Variants in ASB8 observed in about 807,000 individuals in gnomAD.
The protein encoded by ASB8 is ankyrin repeat and SOCS box containing 8, also known as ankyrin repeat and SOCS box protein 8.
A neutral mutation model predicts 22.9 loss-of-function variants in ASB8; 15 were observed. That is an observed-to-expected ratio of 0.66 (90% CI 0.44 to 1.01). The LOEUF (loss-of-function observed/expected upper bound fraction) is 1.01, where lower values mean the gene tolerates loss of function less well. ASB8 is among the 50% of genes least tolerant of loss of function. ASB8 has a pLI of 0.00. For synonymous variants in ASB8, 124 were observed against 140.8 expected (o/e 0.88, Z 0.84); for missense variants, 294 against 356.9 (o/e 0.82, Z 1.42).
intron 3 of ASB8, chr12:48,150,199 C>G: frequency 2.8e-6 from 2 of 711,000 alleles, no homozygotes; most frequent in Non-Finnish European, 5.1e-6. Flanking sequence ...AAGAACTGTC[C>G]TCAAACAGTC....
chr12:48,152,513 T>C (rs1303852358), intron 2 of ASB8, among the ~76,000 whole-genome samples: 1 of 152,192 alleles, frequency 6.6e-6, no homozygotes, highest in African/African-American at 2.4e-5. Context: ...TAACAATTAT[T>C]GAAGGGCCAT....
chr12:48,151,658 A>T (rs1951205504), intron 2 of ASB8: 1 of 1,353,422 alleles, frequency 7.4e-7, no homozygotes, highest in Non-Finnish European at 9.7e-7. Flanking sequence ...TTCTATGGCC[A>T]CCATGCTCTG....
chr12:48,152,268 CACT>C (rs1369467627), intron 2 of ASB8, among the ~76,000 whole-genome samples: 3 of 152,160 alleles, frequency 2.0e-5, no homozygotes, highest in Non-Finnish European at 4.4e-5. Flanking sequence ...AGTCTCCTGA[CACT>C]ACTTTTGCTG....
intron 1 of ASB8, among the ~76,000 whole-genome samples, chr12:48,155,742 A>AAAATATATAT (rs371161682): frequency 8.7e-6 from 1 of 114,954 alleles, no homozygotes; most frequent in African/African-American, 3.4e-5. Context: ...AAAAAAAAAA[A>AAAATATATAT]ATATATATAT....
chr12:48,152,106 C>T (rs756282111), intron 2 of ASB8, among the ~76,000 whole-genome samples: 2 of 150,648 alleles, frequency 1.3e-5, no homozygotes, highest in Admixed American at 6.6e-5. Context: ...GAGCCAAGAT[C>T]GCGCCATTGC....
chr12:48,150,295 C>A, intron 3 of ASB8: 1 of 661,822 alleles, frequency 1.5e-6, no homozygotes, highest in South Asian at 1.7e-5. Flanking sequence ...AGAATCTCTA[C>A]CACAGAGTAA....
At chr12:48,150,220 T>G in intron 3 of ASB8, 1 of 704,452 alleles carries the variant, frequency 1.4e-6, no homozygotes, top group Non-Finnish European at 2.6e-6. Flanking sequence ...AACACTATTA[T>G]GTGCACTGAC....
At chr12:48,150,153 A>C (rs1280081816) in intron 3 of ASB8, 155 bp from the exon 4 acceptor site, 1 of 798,994 alleles carries the variant, frequency 1.3e-6, no homozygotes, top group Admixed American at 2.0e-5. Context: ...GGTGATAAAG[A>C]TGAAGATATG....
In ASB8 at chr12:48,147,999, A is replaced by C. The variant is rs1008194826; in HGVS notation, c.*1367T>G. The C allele has an allele frequency of 2.6e-5, 4 of 152,204 alleles. No individual in the cohort carries two copies. Among genetic ancestry groups the C allele is most frequent in the African/African-American group, 9.7e-5 (4 of 41,442 alleles). The allele number at this position is 152,204 out of a possible 1,614,324, so 9.4% of individuals were successfully genotyped here. On this transcript the variant is annotated 3_prime_UTR_variant, in exon 4 of 4. Transcript: ENST00000317697. ...ATAACAACTTGATCTAATTTAGAAA[A>C]ATGAAAGAGTATCGTTCACTAAAGC...
chr12:48,152,310 C>T (rs1236544686), intron 2 of ASB8, among the ~76,000 whole-genome samples: 1 of 152,190 alleles, frequency 6.6e-6, no homozygotes, highest in African/African-American at 2.4e-5. Context: ...ATGACTTTTC[C>T]TTCTTCAGTT....
intron 3 of ASB8, among the ~76,000 whole-genome samples, chr12:48,150,670 T>C (rs956700753): frequency 2.0e-5 from 3 of 152,064 alleles, no homozygotes; most frequent in East Asian, 1.9e-4. Context: ...AAATAGCATA[T>C]ACCCTCATTA....
chr12:48,153,426 C>T lies in ASB8; in HGVS notation c.71G>A (p.Arg24Gln), dbSNP rs747598837. 6.8e-6 allele frequency: 11 copies of T among 1,613,584 alleles called. No homozygotes were observed. The highest frequency in any genetic ancestry group is 6.7e-5 in the Admixed American group (4 of 59,992). ...GAAGGAACGGATGGCAGCAATTGTT[C>T]GGATTAAGCGCTCGGAGAGAGAGTA... ...SKYSLSERLI[R>Q]TIAAIRSFPH... Residue 24 changes from arginine (R) to glutamine (Q), a missense_variant, in exon 2 of 4, where the codon CGA (arginine) becomes CAA (glutamine). Coordinates refer to ENST00000317697, the MANE Select transcript of ASB8 (RefSeq NM_024095.5).
chr12:48,153,927 T>G (rs1951246764), intron 1 of ASB8: 1 of 155,928 alleles, frequency 6.4e-6, no homozygotes, highest in Admixed American at 6.3e-5. Flanking sequence ...TGCAATATAG[T>G]TATGTACATA....
At chr12:48,151,332 G>C in intron 2 of ASB8, 27 bp from the exon 3 acceptor site, 1 of 1,563,972 alleles carries the variant, frequency 6.4e-7, no homozygotes, top group Non-Finnish European at 8.8e-7. Context: ...ACTTCAGTCA[G>C]TGTGTTCAGC....
intron 2 of ASB8, among the ~76,000 whole-genome samples, chr12:48,152,578 T>C (rs760221710): frequency 1.3e-5 from 2 of 152,242 alleles, no homozygotes; most frequent in Non-Finnish European, 2.9e-5. Flanking sequence ...CCATGCATTT[T>C]AGAGGTTGAT....
Position 48,147,907 on chromosome 12 carries a change from T to C in ASB8, c.*1459A>G, listed in dbSNP as rs1236814532. 2 of 152,204 alleles carry C rather than the reference T, an allele frequency of 1.3e-5. No homozygotes were observed. Among genetic ancestry groups the C allele is most frequent in the Non-Finnish European group, 2.9e-5 (2 of 68,034 alleles). The allele number at this position is 152,204 out of a possible 1,614,324, so 9.4% of individuals were successfully genotyped here. A position where few individuals can be genotyped will look rare whatever the true frequency, so the allele number is the denominator to read the frequency against. ...CTGTGTCAGTAGATTCCATTCATTG[T>C]TTGTAGTTCCCAATCAGCTTTAAAA... On this transcript the variant is annotated 3_prime_UTR_variant, in exon 4 of 4. Coordinates refer to ENST00000317697, the MANE Select transcript of ASB8 (RefSeq NM_024095.5).
intron 2 of ASB8, chr12:48,151,574 A>G (rs996975551): frequency 1.4e-6 from 2 of 1,475,608 alleles, no homozygotes; most frequent in African/African-American, 2.8e-5. Flanking sequence ...CCTGGACATC[A>G]CTGAAGACAA....
At chr12:48,150,056 C>T (rs1951174960) in intron 3 of ASB8, 58 bp from the exon 4 acceptor site, 1 of 1,558,210 alleles carries the variant, frequency 6.4e-7, no homozygotes, top group Non-Finnish European at 8.8e-7. Flanking sequence ...GACAGGACAG[C>T]AGCAAAGAAG....
At chr12:48,151,492 G>T (rs1025460229) in intron 2 of ASB8, 187 bp from the exon 3 acceptor site, 20 of 1,180,078 alleles carry the variant, frequency 1.7e-5, no homozygotes, top group Non-Finnish European at 2.4e-5. Flanking sequence ...CACTGAAGAT[G>T]AAGGAAAGGA....
Sources: gnomAD v4.1 joint callset for allele counts (sites outside exome capture counted in the v4.1 genomes callset) on GRCh38, gnomAD v4.1.1 for gene constraint, MANE v1.5 for transcripts, NCBI Gene and HGNC (gene_info 2026-07-23, HGNC 2026-07-21) for gene names.